Variants in MTCL3 observed in about 807,000 individuals in gnomAD.
MTCL3 encodes the protein microtubule cross-linking factor 3.
the MTCL3 span, among the ~76,000 whole-genome samples, chr6:127,500,521 AT>A: frequency 5.3e-5 from 8 of 151,902 alleles, no homozygotes; most frequent in African/African-American, 1.5e-4. Flanking sequence ...AATACCTATA[AT>A]TTTTTTTAAC....
At chr6:127,515,834 G>A in the MTCL3 span, 3 of 1,610,968 alleles carry the variant, frequency 1.9e-6, no homozygotes, top group South Asian at 3.3e-5. This position sits in a 1 kb window ranked among gnomAD's most constrained non-coding sequence, Gnocchi z 4.3. Flanking sequence ...AGATGGAACT[G>A]GATGAGCTCA....
At chr6:127,496,211 A>T in the MTCL3 span, among the ~76,000 whole-genome samples, 1 of 152,200 alleles carries the variant, frequency 6.6e-6, no homozygotes, top group African/African-American at 2.4e-5. Context: ...CTAAAGTAAT[A>T]TTTTTTAAAG....
the MTCL3 span, among the ~76,000 whole-genome samples, chr6:127,499,510 G>A: frequency 1.3e-5 from 2 of 152,188 alleles, no homozygotes; most frequent in African/African-American, 4.8e-5. Flanking sequence ...AGAAAAAATA[G>A]AGCACATATG....
the MTCL3 span, chr6:127,516,175 G>C: frequency 7.0e-7 from 1 of 1,435,552 alleles, no homozygotes; most frequent in South Asian, 1.5e-5. Context: ...TAGCTCCCGA[G>C]GCGGCTCCTC....
At chr6:127,504,896 C>T in the MTCL3 span, among the ~76,000 whole-genome samples, 1 of 152,148 alleles carries the variant, frequency 6.6e-6, no homozygotes, top group Non-Finnish European at 1.5e-5. Flanking sequence ...GCGGTGAGAG[C>T]CTGGCAGCCT....
the MTCL3 span, chr6:127,483,070 C>A: frequency 2.9e-6 from 3 of 1,049,870 alleles, no homozygotes; most frequent in Admixed American, 2.6e-5. Flanking sequence ...TCTCAAACGA[C>A]AAAACCAAGA....
At chr6:127,513,209 A>G in the MTCL3 span, among the ~76,000 whole-genome samples, 1 of 152,222 alleles carries the variant, frequency 6.6e-6, no homozygotes, top group African/African-American at 2.4e-5. Context: ...ATTCACATAT[A>G]TCAATCGTTT....
the MTCL3 span, among the ~76,000 whole-genome samples, chr6:127,500,077 T>C: frequency 6.6e-6 from 1 of 152,308 alleles, no homozygotes; most frequent in Admixed American, 6.5e-5. Flanking sequence ...TTTGTTCCCA[T>C]AATCCTGCCC....
At chr6:127,486,314 G>A in the MTCL3 span, among the ~76,000 whole-genome samples, 1 of 152,276 alleles carries the variant, frequency 6.6e-6, no homozygotes, top group African/African-American at 2.4e-5. Flanking sequence ...CTATGTGTAA[G>A]TATCACATTT....
At chr6:127,486,676 A>G in the MTCL3 span, among the ~76,000 whole-genome samples, 7 of 152,324 alleles carry the variant, frequency 4.6e-5, no homozygotes, top group South Asian at 1.4e-3. Context: ...TTACATTCCC[A>G]GCCTCAGCTT....
chr6:127,513,152 T>C, the MTCL3 span: 2 of 1,041,090 alleles, frequency 1.9e-6, no homozygotes, highest in African/African-American at 3.2e-5. Flanking sequence ...ATTTATATGG[T>C]GTTTACCATG....
chr6:127,483,011 T>C, the MTCL3 span: 1 of 1,521,942 alleles, frequency 6.6e-7, no homozygotes, highest in Non-Finnish European at 9.0e-7. Context: ...ATATATTTAG[T>C]TGGATAAACT....
chr6:127,507,256 G>A, the MTCL3 span, among the ~76,000 whole-genome samples: 1 of 152,148 alleles, frequency 6.6e-6, no homozygotes, highest in Non-Finnish European at 1.5e-5. Context: ...TATTTGTTCA[G>A]CACTTTATAG....
the MTCL3 span, chr6:127,516,490 G>T: frequency 6.3e-7 from 1 of 1,599,642 alleles, no homozygotes; most frequent in East Asian, 2.2e-5. Flanking sequence ...CGGTCTAGCG[G>T]GTGACTGAGC....
chr6:127,499,720 T>C, the MTCL3 span, among the ~76,000 whole-genome samples: 4 of 152,202 alleles, frequency 2.6e-5, no homozygotes, highest in Non-Finnish European at 5.9e-5. Context: ...CCCTGCTCTG[T>C]GCTCCAGGAG....
the MTCL3 span, chr6:127,476,497 T>C: frequency 1.3e-6 from 2 of 1,502,978 alleles, no homozygotes; most frequent in Non-Finnish European, 1.8e-6. This position sits in a 1 kb window ranked among gnomAD's most constrained non-coding sequence, Gnocchi z 4.4. Flanking sequence ...GGGAAAAGGA[T>C]AGGAGATCAT....
At chr6:127,476,241 C>T in the MTCL3 span, 2 of 1,614,058 alleles carry the variant, frequency 1.2e-6, no homozygotes, top group Non-Finnish European at 1.7e-6. The surrounding 1 kb of genome is among the most constrained non-coding windows in gnomAD (Gnocchi z 4.4). Context: ...TGGCTTCTTC[C>T]TCCACCAGCC....
the MTCL3 span, chr6:127,516,286 G>A: frequency 1.3e-6 from 2 of 1,529,780 alleles, no homozygotes; most frequent in Middle Eastern, 3.8e-4. Context: ...GGCCCCTTTG[G>A]GCGCCAGGGG....
the MTCL3 span, chr6:127,473,075 C>A: frequency 8.0e-6 from 9 of 1,127,932 alleles, no homozygotes; most frequent in Non-Finnish European, 9.8e-6. Context: ...GTCACACTTT[C>A]TTACCTGAAA....
Sources: allele counts gnomAD v4.1 joint callset (sites outside exome capture counted in the v4.1 genomes callset), GRCh38; gene constraint gnomAD v4.1.1; non-coding constraint Gnocchi (gnomAD v3.1); transcripts MANE v1.5; gene names NCBI Gene and HGNC (gene_info 2026-07-23, HGNC 2026-07-21).